The following SREBF2 variants were observed in gnomAD, a reference collection of about 807,000 sequenced individuals.
The protein encoded by SREBF2 is sterol regulatory element-binding protein 2.
SREBF2 carries 55 observed loss-of-function variants against 113.1 expected under a neutral mutation model. The observed-to-expected ratio is 0.49, with a 90% CI of 0.39 to 0.61. The LOEUF is 0.61. Ranked by LOEUF, SREBF2 falls within the 20% of genes least tolerant of loss-of-function variation. The pLI, the probability that SREBF2 is intolerant of heterozygous loss-of-function variation, is 0.00. For synonymous variants in SREBF2, 593 were observed against 605.7 expected (o/e 0.98, Z 0.31); for missense variants, 1,349 against 1,487.4 (o/e 0.91, Z 1.53).
chr22:41,874,933 C>T (rs893378919), intron 5 of SREBF2, among the ~76,000 whole-genome samples: 1 of 152,028 alleles, frequency 6.6e-6, no homozygotes, highest in African/African-American at 2.4e-5. Flanking sequence ...AAAAAGATAA[C>T]TGTCCAACAA....
chr22:41,834,580 A>T (rs1358839166), intron 1 of SREBF2: 2 of 152,726 alleles, frequency 1.3e-5, no homozygotes, highest in Non-Finnish European at 2.9e-5. Context: ...AAGCAGAAGC[A>T]GCAGAAGATT....
intron 15 of SREBF2, 116 bp downstream of exon 15, chr22:41,898,897 C>A: frequency 6.9e-7 from 1 of 1,455,826 alleles, no homozygotes; most frequent in Non-Finnish European, 9.4e-7. Flanking sequence ...GACTGCATGA[C>A]AGGTGGGCGG....
chr22:41,892,647 CAAAAAAA>C (rs397967305), intron 11 of SREBF2, among the ~76,000 whole-genome samples: 1 of 76,984 alleles, frequency 1.3e-5, no homozygotes, highest in Non-Finnish European at 2.9e-5. Flanking sequence ...AACTCCGTCT[CAAAAAAA>C]AAAAAAAAAA....
At chr22:41,883,298 A>T (rs1487185327) in intron 10 of SREBF2, among the ~76,000 whole-genome samples, 1 of 152,204 alleles carries the variant, frequency 6.6e-6, no homozygotes, top group African/African-American at 2.4e-5. Flanking sequence ...CCTTGATGGC[A>T]GTAAGGAGCT....
At chr22:41,849,933 T>G (rs2076911837) in intron 1 of SREBF2, among the ~76,000 whole-genome samples, 1 of 116,590 alleles carries the variant, frequency 8.6e-6, no homozygotes. Flanking sequence ...GGTCAGGAGA[T>G]CGAGACCATC....
intron 18 of SREBF2, 55 bp downstream of exon 18, chr22:41,905,029 G>T: frequency 2.7e-6 from 4 of 1,464,294 alleles, no homozygotes; most frequent in Admixed American, 2.0e-5. Context: ...GCCCTAGGAA[G>T]AGAGGAGAAG....
chr22:41,898,884 C>G, intron 15 of SREBF2, 103 bp downstream of exon 15: 1 of 1,508,312 alleles, frequency 6.6e-7, no homozygotes, highest in Non-Finnish European at 9.0e-7. Flanking sequence ...GGTGAAGGGT[C>G]AGGACTGCAT....
At chr22:41,844,029 T>TACACACACACACAC (rs768606329) in intron 1 of SREBF2, among the ~76,000 whole-genome samples, 4 of 48,766 alleles carry the variant, frequency 8.2e-5, no homozygotes, top group East Asian at 8.4e-4. Context: ...AAAAAAAAAA[T>TACACACACACACAC]ACATACACAC....
At position 41,905,707 on chromosome 22, in the gene SREBF2, CT is replaced by C. The variant is rs767655243; in HGVS notation, c.*48del. On this transcript the variant is annotated 3_prime_UTR_variant, in exon 19 of 19. Transcript: ENST00000361204. The stretch of plus-strand genomic sequence containing the variant: ...TCCACCTCTCTCTCGATTTCTCTCT[CT>C]CCCCCTCAGCATCTTCCCGCTGAGA... The C allele has an allele frequency of 1.3e-6, 2 of 1,525,068 alleles. No individual in the cohort carries two copies. Among genetic ancestry groups the C allele is most frequent in the South Asian group, 2.4e-5 (2 of 83,524 alleles). 94.5% of individuals were successfully genotyped at this position (1,525,068 alleles called of 1,614,324 possible).
At chr22:41,898,045 T>C (rs1482351898) in intron 14 of SREBF2, among the ~76,000 whole-genome samples, 1 of 152,248 alleles carries the variant, frequency 6.6e-6, no homozygotes, top group Non-Finnish European at 1.5e-5. Context: ...TTAAACTTTT[T>C]TCTCTCTAAG....
At chr22:41,864,311 A>G (rs1486770324) in intron 1 of SREBF2, among the ~76,000 whole-genome samples, 30 of 101,414 alleles carry the variant, frequency 3.0e-4, no homozygotes, top group Non-Finnish European at 3.1e-4. Flanking sequence ...ATATATATGT[A>G]TATATATATA....
intron 11 of SREBF2, among the ~76,000 whole-genome samples, chr22:41,892,640 T>A (rs1477984580): frequency 2.2e-5 from 2 of 90,672 alleles, no homozygotes; most frequent in African/African-American, 5.9e-5. Context: ...AGAGCGAAAC[T>A]CCGTCTCAAA....
At position 41,904,959 on chromosome 22, in the gene SREBF2, C is replaced by T. The variant is rs750422544; in HGVS notation, c.3190C>T (p.Gln1064Ter). ...ACACAGCCTGCGGCGGCGCACCACG[C>T]AGAGCACCAAGCACGGTGAGTCCAC... is the stretch of plus-strand genomic sequence containing the variant. ...LEHSLRRRTTQSTKHGEVDAW... is the reference protein window; with the variant it reads ...LEHSLRRRTT The change falls in exon 18 of 19, where the codon CAG becomes TAG. Residue 1064 changes from glutamine (Q) to a stop codon, truncating the protein, a stop_gained. Coordinates refer to ENST00000361204, the MANE Select transcript of SREBF2 (RefSeq NM_004599.4). LOFTEE classifies it high-confidence loss of function. 1.3e-6 allele frequency: 2 copies of T among 1,597,320 alleles called. No individual in the cohort carries two copies. Among genetic ancestry groups the T allele is most frequent in the Non-Finnish European group, 1.7e-6 (2 of 1,176,406 alleles).
intron 1 of SREBF2, among the ~76,000 whole-genome samples, chr22:41,847,935 A>G (rs1261526658): frequency 1.0e-5 from 1 of 99,530 alleles, no homozygotes; most frequent in Non-Finnish European, 2.1e-5. Flanking sequence ...TTTTTTTTTG[A>G]GACGGAGTCT....
chr22:41,903,070 C>T lies in SREBF2; in HGVS notation c.3008C>T (p.Ala1003Val), dbSNP rs144948037. The T allele has an allele frequency of 1.3e-4, 208 of 1,598,820 alleles. 3 individuals are homozygous for T. In the African/African-American group the frequency reaches 1.7e-3, roughly 13 times the overall value. The change falls in exon 17 of 19, where the codon GCG becomes GTG. Residue 1003 changes from alanine (A) to valine (V), a missense_variant. Ala to Val is a moderately conservative substitution (Grantham distance 64). Around this residue, in one of 2 missense-constraint regions of SREBF2, gnomAD observed 650 missense variants for 644.1 expected, o/e 1.01. Coordinates refer to ENST00000361204, the MANE Select transcript of SREBF2 (RefSeq NM_004599.4). ...ASQAVGETYH[A>V]SGAELAGFQR... is the part of the protein sequence containing the mutation. ...CAGGCTGTGGGGGAGACCTACCACGCGTCAGGCGCTGAACTGGCGGGCTTC... is the reference window on the plus strand; with the variant it reads ...CAGGCTGTGGGGGAGACCTACCACGTGTCAGGCGCTGAACTGGCGGGCTTC...
At chr22:41,847,785 C>T (rs1289860294) in intron 1 of SREBF2, among the ~76,000 whole-genome samples, 1 of 152,200 alleles carries the variant, frequency 6.6e-6, no homozygotes, top group Non-Finnish European at 1.5e-5. Flanking sequence ...TGTTTAATTG[C>T]TGATACATAG....
rs1334944381 is a variant in SREBF2 at position 41,899,323 on chromosome 22, A to AC, written c.2738+543dup. The AC allele has an allele frequency of 2.9e-6, 3 of 1,023,220 alleles. No individual in the cohort carries two copies. In the African/African-American group the frequency reaches 5.1e-5, roughly 17 times the overall value. 63.4% of individuals were successfully genotyped at this position (1,023,220 alleles called of 1,614,324 possible). A position where few individuals can be genotyped will look rare whatever the true frequency, so the allele number is the denominator to read the frequency against. ...ACATGGCATAACCGGAGAGCTTTTG[A>AC]CATTCCTCTTTGGAGATTCATGTCT... is the stretch of plus-strand genomic sequence containing the variant. On this transcript the variant is annotated intron_variant, in intron 15 of 18. Coordinates refer to ENST00000361204, the MANE Select transcript of SREBF2 (RefSeq NM_004599.4).
rs182845974 is a variant in SREBF2, at chr22:41,901,328, C to T, written c.2907+830C>T. Among the ~76,000 whole-genome samples the T allele has an allele frequency of 5.8e-4, 88 of 152,302 alleles. 1 individual carries two copies. The highest frequency in any genetic ancestry group is 6.8e-3 in the Middle Eastern group (2 of 294). ...CCTGGGCACTGGGATGAACCCAGGA[C>T]AGCGTGGCAGCCCCTACAGGGACAG... On this transcript the variant is annotated intron_variant, in intron 16 of 18. Transcript: ENST00000361204.
chr22:41,900,538 G>A (rs1156637361), intron 16 of SREBF2, 40 bp downstream of exon 16: 1 of 1,601,450 alleles, frequency 6.2e-7, no homozygotes, highest in Non-Finnish European at 8.5e-7. Flanking sequence ...GAGGTGCTCT[G>A]CACTGGTTTA....
Sources: gnomAD v4.1 joint callset for allele counts (sites outside exome capture counted in the v4.1 genomes callset) on GRCh38, gnomAD v4.1.1 for gene constraint, gnomAD v4.1.1 regional missense constraint, MANE v1.5 for transcripts, NCBI Gene and HGNC (gene_info 2026-07-23, HGNC 2026-07-21) for gene names.